UNC79: variants seen among roughly 807,000 people sequenced by gnomAD.
UNC79 encodes protein unc-79 homolog.
UNC79 carries 37 observed loss-of-function variants against 283.1 expected under a neutral mutation model. That is an observed-to-expected ratio of 0.13 (90% CI 0.10 to 0.17). The LOEUF is 0.17. Ranked by LOEUF, UNC79 falls within the 10% of genes least tolerant of loss-of-function variation. UNC79 has a pLI of 1.00. For missense variants in UNC79, 2,272 were observed against 3,211.1 expected (o/e 0.71, Z 7.07); for synonymous variants, 1,107 against 1,200.2 (o/e 0.92, Z 1.61).
intron 1 of UNC79, among the ~76,000 whole-genome samples, chr14:93,359,841 C>T (rs930915430): frequency 1.3e-5 from 2 of 152,224 alleles, no homozygotes; most frequent in Middle Eastern, 3.2e-3. Flanking sequence ...GACCCCACTA[C>T]ACTACCAACA....
chr14:93,372,724 G>A (rs575859590), intron 1 of UNC79, among the ~76,000 whole-genome samples: 1 of 152,294 alleles, frequency 6.6e-6, no homozygotes, highest in East Asian at 1.9e-4. Flanking sequence ...TATATTTGGA[G>A]ACTTCAATAC....
intron 35 of UNC79, among the ~76,000 whole-genome samples, chr14:93,647,567 A>G (rs2069752717): frequency 6.6e-6 from 1 of 152,212 alleles, no homozygotes; most frequent in Non-Finnish European, 1.5e-5. Flanking sequence ...AAAATGCCTC[A>G]TATATTTGGA....
At chr14:93,333,922 C>G (rs746649232) in intron 1 of UNC79, among the ~76,000 whole-genome samples, 2 of 152,196 alleles carry the variant, frequency 1.3e-5, no homozygotes, top group Non-Finnish European at 2.9e-5. Flanking sequence ...AGAACCCAGG[C>G]ATTCTGAACC....
intron 48 of UNC79, 55 bp from the exon 52 acceptor site, chr14:93,706,649 C>CCCTG: frequency 3.7e-6 from 6 of 1,604,930 alleles, no homozygotes; most frequent in Non-Finnish European, 5.1e-6. Context: ...GGTCGACACT[C>CCCTG]CCTGGGTTGC....
At chr14:93,685,188 A>T (rs1038901206) in intron 42 of UNC79, among the ~76,000 whole-genome samples, 11 of 152,224 alleles carry the variant, frequency 7.2e-5, no homozygotes, top group African/African-American at 2.4e-4. Flanking sequence ...AAAGACAAAT[A>T]TTGAATAATG....
rs1257644794 is a variant in UNC79, at chr14:93,694,240, T to C, written c.7471-95T>C. The C allele has an allele frequency of 7.1e-6, 8 of 1,121,992 alleles. No homozygotes were observed. In the Admixed American group the frequency reaches 1.5e-4, roughly 22 times the overall value. 69.5% of individuals were successfully genotyped at this position (1,121,992 alleles called of 1,614,324 possible). A position where few individuals can be genotyped will look rare whatever the true frequency, so the allele number is the denominator to read the frequency against. On this transcript the variant is annotated intron_variant, in intron 46 of 48. Coordinates refer to ENST00000555664, the Ensembl canonical transcript of UNC79. ...ACGGTCATTACACAGAAAGACCTCA[T>C]GGGCACAGGACATCGGTCTTCTGCG...
intron 31 of UNC79, among the ~76,000 whole-genome samples, chr14:93,634,862 A>T (rs1369430641): frequency 6.6e-6 from 1 of 152,196 alleles, no homozygotes; most frequent in Non-Finnish European, 1.5e-5. Flanking sequence ...GTTCTCTCTA[A>T]GACCCAGATT....
intron 14 of UNC79, among the ~76,000 whole-genome samples, chr14:93,549,984 G>A (rs1321493693): frequency 6.6e-6 from 1 of 152,178 alleles, no homozygotes; most frequent in Non-Finnish European, 1.5e-5. Context: ...TTAATCAAAA[G>A]GATCAGAAAC....
intron 14 of UNC79, among the ~76,000 whole-genome samples, chr14:93,566,226 C>T (rs74864925): frequency 0.015 from 2,324 of 152,240 alleles, 60 homozygotes; most frequent in African/African-American, 0.053. Context: ...CGGAGAATCT[C>T]TTATAAACCA....
At chr14:93,478,174 A>G (rs993798433) in intron 4 of UNC79, among the ~76,000 whole-genome samples, 2 of 152,326 alleles carry the variant, frequency 1.3e-5, no homozygotes, top group East Asian at 3.9e-4. Flanking sequence ...GGCAGCTCAC[A>G]TAGTTGAAAC....
chr14:93,585,122 C>G (rs1005134186), intron 20 of UNC79, among the ~76,000 whole-genome samples: 13 of 152,222 alleles, frequency 8.5e-5, no homozygotes, highest in African/African-American at 2.4e-4. Flanking sequence ...AGCCTCTTTT[C>G]CTGCTCAGAC....
At chr14:93,580,639 G>A (rs567019860) in intron 19 of UNC79, among the ~76,000 whole-genome samples, 2 of 152,298 alleles carry the variant, frequency 1.3e-5, no homozygotes, top group South Asian at 4.1e-4. Context: ...CCATGCATTA[G>A]TAGTATTCTT....
chr14:93,352,186 C>G (rs1269520697), intron 1 of UNC79, among the ~76,000 whole-genome samples: 1 of 152,188 alleles, frequency 6.6e-6, no homozygotes, highest in African/African-American at 2.4e-5. Context: ...CAAACCTGCT[C>G]CTAGGCCCTT....
chr14:93,655,526 G>C, intron 38 of UNC79, 119 bp downstream of exon 41: 1 of 1,209,070 alleles, frequency 8.3e-7, no homozygotes, highest in Non-Finnish European at 1.2e-6. Context: ...AGGAAACTCC[G>C]TCAGCCATGG....
intron 1 of UNC79, among the ~76,000 whole-genome samples, chr14:93,460,786 A>G (rs2056940711): frequency 6.6e-6 from 1 of 152,132 alleles, no homozygotes; most frequent in African/African-American, 2.4e-5. Context: ...AGCACTTGGG[A>G]GGCCGAGGCA....
chr14:93,678,631 G>GT (rs1188288498), intron 41 of UNC79, among the ~76,000 whole-genome samples: 5 of 152,222 alleles, frequency 3.3e-5, no homozygotes, highest in Admixed American at 6.5e-5. Flanking sequence ...GTACCAATCT[G>GT]TTTTTTAATT....
At chr14:93,530,297 G>A (rs2060745942) in intron 10 of UNC79, among the ~76,000 whole-genome samples, 1 of 152,178 alleles carries the variant, frequency 6.6e-6, no homozygotes, top group African/African-American at 2.4e-5. Context: ...TAGGTCAGGT[G>A]CAATGGCTCA....
intron 38 of UNC79, among the ~76,000 whole-genome samples, 181 bp from the exon 42 acceptor site, chr14:93,659,012 A>C (rs570604828): frequency 6.6e-6 from 1 of 152,290 alleles, no homozygotes; most frequent in African/African-American, 2.4e-5. Flanking sequence ...TGTTTAATTA[A>C]AATTGTTTTA....
chr14:93,609,249 A>G (rs2066119162), intron 26 of UNC79, among the ~76,000 whole-genome samples: 1 of 152,214 alleles, frequency 6.6e-6, no homozygotes, highest in Admixed American at 6.5e-5. Flanking sequence ...TGAAGAGAGC[A>G]CCATGAGCAA....
Sources: gnomAD v4.1 joint callset for allele counts (sites outside exome capture counted in the v4.1 genomes callset) on GRCh38, gnomAD v4.1.1 for gene constraint, MANE v1.5 for transcripts, NCBI Gene and HGNC (gene_info 2026-07-23, HGNC 2026-07-21) for gene names.